SNTG1: variants seen among roughly 807,000 people sequenced by gnomAD.
SNTG1 encodes the protein syntrophin gamma 1.
A neutral mutation model predicts 74.7 loss-of-function variants in SNTG1; 39 were observed. The observed-to-expected ratio is 0.52, with a 90% CI of 0.40 to 0.68. The LOEUF (loss-of-function observed/expected upper bound fraction) is 0.68, where lower values mean the gene tolerates loss of function less well. Among genes scored for constraint, SNTG1 ranks in the 30% least tolerant of loss-of-function variants. The pLI is 0.00. For missense variants in SNTG1, 685 were observed against 609.5 expected (o/e 1.12, Z -1.30); for synonymous variants, 254 against 217.1 (o/e 1.17, Z -1.49).
chr8:50,132,657 G>T (rs1321675295), intron 1 of SNTG1, among the ~76,000 whole-genome samples: 1 of 152,032 alleles, frequency 6.6e-6, no homozygotes, highest in African/African-American at 2.4e-5. Flanking sequence ...TCACTCTCTT[G>T]GCCCAAGTAG....
chr8:50,686,428 T>G (rs1255546873), intron 15 of SNTG1, among the ~76,000 whole-genome samples: 2 of 152,164 alleles, frequency 1.3e-5, no homozygotes, highest in African/African-American at 4.8e-5. Context: ...AAGATTAAAC[T>G]AGAGACAGTA....
At chr8:50,283,458 C>T (rs1287906702) in intron 2 of SNTG1, among the ~76,000 whole-genome samples, 1 of 152,076 alleles carries the variant, frequency 6.6e-6, no homozygotes, top group Non-Finnish European at 1.5e-5. Flanking sequence ...TGTTGAAGGT[C>T]TGATGAATGT....
At chr8:50,018,023 C>A (rs1816491036) in intron 1 of SNTG1, among the ~76,000 whole-genome samples, 1 of 151,858 alleles carries the variant, frequency 6.6e-6, no homozygotes, top group Non-Finnish European at 1.5e-5. Context: ...TAAATGATTT[C>A]TAAATAAATA....
chr8:50,194,172 T>A (rs1356258559), intron 2 of SNTG1, among the ~76,000 whole-genome samples: 1 of 152,156 alleles, frequency 6.6e-6, no homozygotes, highest in African/African-American at 2.4e-5. Flanking sequence ...ATTAGGGTGA[T>A]GCTGGCTCCA....
intron 5 of SNTG1, among the ~76,000 whole-genome samples, chr8:50,441,325 C>T (rs1421783344): frequency 1.3e-5 from 2 of 152,062 alleles, no homozygotes; most frequent in African/African-American, 4.8e-5. Context: ...AAAAGTTAGC[C>T]TTTACCTTCA....
intron 1 of SNTG1, among the ~76,000 whole-genome samples, chr8:50,150,480 A>G (rs1487274371): frequency 6.6e-6 from 1 of 152,196 alleles, no homozygotes; most frequent in African/African-American, 2.4e-5. Flanking sequence ...CCAGTTTTCA[A>G]AGGGAATGCT....
chr8:50,085,481 T>C (rs1454298773), intron 1 of SNTG1, among the ~76,000 whole-genome samples: 1 of 152,218 alleles, frequency 6.6e-6, no homozygotes, highest in Non-Finnish European at 1.5e-5. Flanking sequence ...AGCTTAAGGA[T>C]TTGAAGATCA....
chr8:50,283,353 A>G (rs2088582816), intron 2 of SNTG1, among the ~76,000 whole-genome samples: 1 of 152,208 alleles, frequency 6.6e-6, no homozygotes, highest in African/African-American at 2.4e-5. Context: ...CTTAAAGACA[A>G]AGCACATTTG....
At chr8:49,913,686 T>C (rs1805774174) in intron 1 of SNTG1, among the ~76,000 whole-genome samples, 1 of 152,212 alleles carries the variant, frequency 6.6e-6, no homozygotes, top group South Asian at 2.1e-4. Flanking sequence ...AATGTGCTCT[T>C]AACACAATCC....
At chr8:50,115,775 AT>A (rs1004749305) in intron 1 of SNTG1, among the ~76,000 whole-genome samples, 15 of 151,900 alleles carry the variant, frequency 9.9e-5, no homozygotes, top group African/African-American at 2.4e-4. Flanking sequence ...TTTAGAGATC[AT>A]TTTTTTGCAA....
intron 16 of SNTG1, chr8:50,708,166 G>A (rs1350886560): frequency 4.3e-5 from 8 of 184,750 alleles, no homozygotes; most frequent in African/African-American, 7.1e-5. Context: ...GCACCACTAC[G>A]CTCTAGCCTG....
At chr8:50,472,523 A>G (rs1295327770) in intron 8 of SNTG1, among the ~76,000 whole-genome samples, 1 of 152,178 alleles carries the variant, frequency 6.6e-6, no homozygotes, top group Non-Finnish European at 1.5e-5. Flanking sequence ...AATTAACTCA[A>G]AATGGATGAT....
chr8:50,047,444 G>A (rs1056931506), intron 1 of SNTG1, among the ~76,000 whole-genome samples: 2 of 152,040 alleles, frequency 1.3e-5, no homozygotes, highest in African/African-American at 4.8e-5. Context: ...ATAAAAGAAG[G>A]CTCTATGTAA....
intron 8 of SNTG1, among the ~76,000 whole-genome samples, chr8:50,490,053 T>C (rs2093837539): frequency 6.6e-6 from 1 of 152,232 alleles, no homozygotes; most frequent in Non-Finnish European, 1.5e-5. Context: ...ATTGTTTTTG[T>C]CAAGTTTGTC....
intron 8 of SNTG1, among the ~76,000 whole-genome samples, chr8:50,500,686 G>A (rs533243790): frequency 1.9e-4 from 29 of 151,980 alleles, no homozygotes; most frequent in African/African-American, 5.5e-4. Context: ...GAAATTTACC[G>A]TTTAGCTCAC....
chr8:49,968,966 C>A (rs1293767758), intron 1 of SNTG1, among the ~76,000 whole-genome samples: 1 of 152,006 alleles, frequency 6.6e-6, no homozygotes, highest in East Asian at 1.9e-4. Flanking sequence ...ACTTGAGTGC[C>A]AAGTAAAGGA....
chr8:50,547,672 A>G (rs1480567497), intron 11 of SNTG1, among the ~76,000 whole-genome samples: 1 of 152,186 alleles, frequency 6.6e-6, no homozygotes, highest in Non-Finnish European at 1.5e-5. Context: ...TGGAAAACTG[A>G]ACAATAAAAA....
At chr8:50,643,317 A>C (rs2131184688) in intron 13 of SNTG1, among the ~76,000 whole-genome samples, 1 of 152,324 alleles carries the variant, frequency 6.6e-6, no homozygotes, top group Non-Finnish European at 1.5e-5. Context: ...CAAACTGCTT[A>C]ATTTCAATGT....
intron 13 of SNTG1, among the ~76,000 whole-genome samples, chr8:50,597,842 T>C (rs1482782265): frequency 6.6e-6 from 1 of 152,060 alleles, no homozygotes; most frequent in Non-Finnish European, 1.5e-5. Context: ...ATGTAAATGT[T>C]GGCCATTTGT....
Sources: allele counts gnomAD v4.1 joint callset (sites outside exome capture counted in the v4.1 genomes callset), GRCh38; gene constraint gnomAD v4.1.1; transcripts MANE v1.5; gene names NCBI Gene and HGNC (gene_info 2026-07-23, HGNC 2026-07-21).